The following FGD1 variants were observed in gnomAD, a reference collection of about 807,000 sequenced individuals.
FGD1 encodes FYVE, RhoGEF and PH domain containing 1.
A neutral mutation model predicts 65.0 loss-of-function variants in FGD1; 12 were observed. The ratio of observed to expected loss-of-function variants is 0.18; its 90% CI spans 0.12 to 0.30. The LOEUF (loss-of-function observed/expected upper bound fraction) is 0.30. FGD1 is among the 10% of genes least tolerant of loss of function. The pLI is 1.00. For missense variants in FGD1, 542 were observed against 837.6 expected (o/e 0.65, Z 4.36); for synonymous variants, 333 against 343.9 (o/e 0.97, Z 0.35).
At position 54,468,772 on chromosome X, in the gene FGD1, C is replaced by A; in HGVS notation, c.1191+15G>T. 8.5e-7 allele frequency: 1 copy of A among 1,181,348 alleles called. No homozygotes were observed. The highest frequency in any genetic ancestry group is 1.7e-5 in the African/African-American group (1 of 57,259). On this transcript the variant is annotated intron_variant, in intron 5 of 17. Transcript: ENST00000375135. ...CAAGGTCCTGGGGCCCTCGTACCCC[C>A]AAGGGGCCACTCACCTGATCCAGGA... is the stretch of plus-strand genomic sequence containing the variant.
At chrX:54,485,553 C>T (rs983765824) in intron 1 of FGD1, among the ~76,000 whole-genome samples, 2 of 110,973 alleles carry the variant, frequency 1.8e-5, no homozygotes, top group Non-Finnish European at 3.8e-5. Context: ...ACTGCAGCCT[C>T]GAACTCCTGG....
chrX:54,495,533 T>C lies in FGD1; in HGVS notation c.-101A>G, dbSNP rs900243337. ...CCCGGCGCCCGGCGGAGCAGCGGCC[T>C]CAGGATCGGGGGGCGGGACTGCGGG... is the stretch of plus-strand genomic sequence containing the variant. On this transcript the variant is annotated 5_prime_UTR_variant, in exon 1 of 18. Coordinates refer to ENST00000375135, the MANE Select transcript of FGD1 (RefSeq NM_004463.3). 6 of 579,932 alleles carry C rather than the reference T, an allele frequency of 1.0e-5. No individual in the cohort carries two copies. Among genetic ancestry groups the C allele is most frequent in the African/African-American group, 2.5e-5 (1 of 40,791 alleles). 47.8% of individuals were successfully genotyped at this position (579,932 alleles called of 1,213,427 possible).
chrX:54,446,014 G>A lies in FGD1; in HGVS notation c.*95C>T. 1 of 657,575 alleles carries A rather than the reference G, an allele frequency of 1.5e-6. No individual in the cohort carries two copies. The highest frequency in any genetic ancestry group is 2.3e-6 in the Non-Finnish European group (1 of 431,724). 54.2% of individuals were successfully genotyped at this position (657,575 alleles called of 1,213,427 possible). A position where few individuals can be genotyped will look rare whatever the true frequency, so the allele number is the denominator to read the frequency against. On this transcript the variant is annotated 3_prime_UTR_variant, in exon 18 of 18. Coordinates refer to ENST00000375135, the MANE Select transcript of FGD1 (RefSeq NM_004463.3). ...GAAAGTGCCCGTGATGGGAGTTCAAGTATTGACTGAGCTGGGAGGGAAGGG... is the reference window on the plus strand; with the variant it reads ...GAAAGTGCCCGTGATGGGAGTTCAAATATTGACTGAGCTGGGAGGGAAGGG...
At chrX:54,455,321 A>G in intron 12 of FGD1, 127 bp downstream of exon 12, 1 of 563,686 alleles carries the variant, frequency 1.8e-6, no homozygotes, top group Non-Finnish European at 3.1e-6. Context: ...GCTGAAGAGC[A>G]AGCCTGCATC....
intron 12 of FGD1, 73 bp downstream of exon 12, chrX:54,455,375 C>A: frequency 2.5e-6 from 2 of 809,499 alleles, no homozygotes; most frequent in Admixed American, 4.8e-5. Context: ...AATCTCTGGG[C>A]CTGGAATGCC....
Position 54,446,046 on chromosome X carries a change from G to A in FGD1, c.*63C>T. 1 of 932,836 alleles carries A rather than the reference G, an allele frequency of 1.1e-6. No individual in the cohort carries two copies. The highest frequency in any genetic ancestry group is 3.1e-5 in the East Asian group (1 of 32,066). 76.9% of individuals were successfully genotyped at this position (932,836 alleles called of 1,213,427 possible). A position where few individuals can be genotyped will look rare whatever the true frequency, so the allele number is the denominator to read the frequency against. ...CTGAGCTGGGAGGGAAGGGGCTAGA[G>A]CCCCCAATCAGACATGGGCAACTAG... is the stretch of plus-strand genomic sequence containing the variant. On this transcript the variant is annotated 3_prime_UTR_variant, in exon 18 of 18. Coordinates refer to ENST00000375135, the MANE Select transcript of FGD1 (RefSeq NM_004463.3).
In FGD1 at chrX:54,449,098, C is replaced by T. The variant is rs776913174; in HGVS notation, c.2274+45G>A. 23 of 1,209,810 alleles carry T rather than the reference C, an allele frequency of 1.9e-5. No individual in the cohort carries two copies. The African/African-American group carries it at 3.7e-4, about 19-fold the overall frequency. ...ACTCTGCAGTGGGCCTTTGGGCTGC[C>T]ATTCTGTCCCCTCCCTAGCTCTGCC... On this transcript the variant is annotated intron_variant, in intron 15 of 17. Coordinates refer to ENST00000375135, the MANE Select transcript of FGD1 (RefSeq NM_004463.3).
intron 1 of FGD1, among the ~76,000 whole-genome samples, chrX:54,491,170 T>C (rs1487355268): frequency 8.9e-6 from 1 of 111,819 alleles, no homozygotes; most frequent in African/African-American, 3.3e-5. Flanking sequence ...TTGCTTCCAC[T>C]GAACCTCTTA....
chrX:54,456,638 G>A, intron 8 of FGD1, 71 bp from the exon 9 acceptor site: 1 of 735,713 alleles, frequency 1.4e-6, no homozygotes. Flanking sequence ...TTTGTTTTTT[G>A]TTTTTTTTTT....
chrX:54,470,688 G>T lies in FGD1; in HGVS notation c.554C>A (p.Ser185Ter). ...PPLEPIPPPP[S>*]RPLPADPRVA... Reference sequence around the variant, plus strand: ...TCGGGGGTCGGCAGGCAGTGGGCGTGATGGTGGAGGGGGGATGGGCTCCAG... The same window carrying T: ...TCGGGGGTCGGCAGGCAGTGGGCGTTATGGTGGAGGGGGGATGGGCTCCAG... Residue 185 changes from serine (S) to a stop codon, truncating the protein, a stop_gained, in exon 3 of 18, where the codon TCA becomes TAA. Transcript: ENST00000375135. LOFTEE classifies it high-confidence loss of function. The T allele has an allele frequency of 1.1e-6, 1 of 952,155 alleles. No individual in the cohort carries two copies. Among genetic ancestry groups the T allele is most frequent in the Non-Finnish European group, 1.5e-6 (1 of 680,307 alleles). The allele number at this position is 952,155 out of a possible 1,213,427, so 78.5% of individuals were successfully genotyped here. A position where few individuals can be genotyped will look rare whatever the true frequency, so the allele number is the denominator to read the frequency against.
chrX:54,465,726 G>A lies in FGD1; in HGVS notation c.1467C>T (p.Thr489=), dbSNP rs779602442. Residue 489 remains threonine, a synonymous_variant, in exon 7 of 18, where the codon ACC becomes ACT. Transcript: ENST00000375135. ...ELVNTWTERS[T]QFKVIIHEVQ... ...CCTCATGGATGATGACTTTAAACTG[G>A]GTGGAGCGCTCTGTCCAGGTGTTGA... 1.9e-5 allele frequency: 23 copies of A among 1,211,111 alleles called. No individual in the cohort carries two copies. Among genetic ancestry groups the A allele is most frequent in the Non-Finnish European group, 2.6e-5 (23 of 895,385 alleles).
intron 6 of FGD1, among the ~76,000 whole-genome samples, chrX:54,467,122 C>T (rs1034063738): frequency 1.8e-5 from 2 of 110,545 alleles, no homozygotes; most frequent in East Asian, 2.9e-4. Flanking sequence ...CAAGGTAGGC[C>T]GTTATTATTT....
chrX:54,472,981 G>A (rs1370197320), intron 1 of FGD1, among the ~76,000 whole-genome samples: 1 of 111,408 alleles, frequency 9.0e-6, no homozygotes, highest in East Asian at 2.8e-4. Context: ...GGCCCACTCA[G>A]TCATAGAAAC....
Position 54,445,792 on chromosome X carries a change from T to G in FGD1, c.*317A>C. Reference sequence around the variant, plus strand: ...CTCTGGTGCTTTGTGGGGAACTGGGTGGAGGCAGGATCTGTGGTAGGGTAT... The same window carrying G: ...CTCTGGTGCTTTGTGGGGAACTGGGGGGAGGCAGGATCTGTGGTAGGGTAT... On this transcript the variant is annotated 3_prime_UTR_variant, in exon 18 of 18. Transcript: ENST00000375135. The G allele has an allele frequency of 4.4e-6, 1 of 229,603 alleles. No homozygotes were observed. The highest frequency in any genetic ancestry group is 7.1e-5 in the Admixed American group (1 of 14,132). 18.9% of individuals were successfully genotyped at this position (229,603 alleles called of 1,213,427 possible).
intron 17 of FGD1, 82 bp from the exon 18 acceptor site, chrX:54,446,496 GCT>G: frequency 2.1e-6 from 2 of 963,315 alleles, no homozygotes; most frequent in Admixed American, 2.8e-5. Flanking sequence ...TTTTGCATAT[GCT>G]CTGTCTTCAG....
Position 54,446,086 on chromosome X carries a change from G to T in FGD1, c.*23C>A. 8.6e-7 allele frequency: 1 copy of T among 1,168,690 alleles called. No homozygotes were observed. The highest frequency in any genetic ancestry group is 1.2e-6 in the Non-Finnish European group (1 of 864,913). On this transcript the variant is annotated 3_prime_UTR_variant, in exon 18 of 18. Transcript: ENST00000375135. ...TGGGCAACTAGAGTGTGGGGTGGGG[G>T]CTCCCAGTTTGTCCCAAACCCTCTA...
intron 12 of FGD1, among the ~76,000 whole-genome samples, chrX:54,454,479 G>C (rs969854236): frequency 9.1e-6 from 1 of 110,116 alleles, no homozygotes; most frequent in Admixed American, 9.8e-5. Context: ...GTGAAACCCT[G>C]TCTCTACTAA....
At chrX:54,480,126 CTCTT>C (rs1923110900) in intron 1 of FGD1, among the ~76,000 whole-genome samples, 1 of 113,000 alleles carries the variant, frequency 8.8e-6, no homozygotes, top group Admixed American at 9.3e-5. Flanking sequence ...AGCTTCCTAA[CTCTT>C]TCGAGTTTCC....
chrX:54,495,412 C>T lies in FGD1; in HGVS notation c.21G>A (p.Pro7=), dbSNP rs1601963695. ...CGGGCTCCGAAGGCCCGGCGCCCCC[C>T]GGGGCTCGGTGGCCATGCATGGTCC... MHGHRA[P]GGAGPSEPEH... is the part of the protein sequence containing the mutation. Residue 7 remains proline, a synonymous_variant, in exon 1 of 18, where the codon CCG becomes CCA. Transcript: ENST00000375135. The T allele has an allele frequency of 2.7e-6, 3 of 1,093,247 alleles. No homozygotes were observed. The highest frequency in any genetic ancestry group is 3.4e-5 in the East Asian group (1 of 29,514). The allele number at this position is 1,093,247 out of a possible 1,213,427, so 90.1% of individuals were successfully genotyped here.
Sources: allele counts gnomAD v4.1 joint callset (sites outside exome capture counted in the v4.1 genomes callset), GRCh38; gene constraint gnomAD v4.1.1; transcripts MANE v1.5; gene names NCBI Gene and HGNC (gene_info 2026-07-23, HGNC 2026-07-21).